The following CFAP77 variants were observed in gnomAD, a reference collection of about 807,000 sequenced individuals.
The protein encoded by CFAP77 is cilia- and flagella-associated protein 77.
In CFAP77, 25 loss-of-function variants were observed where a neutral mutation model predicts 31.1. The ratio of observed to expected loss-of-function variants is 0.80; its 90% CI spans 0.59 to 1.12. The LOEUF is 1.12. CFAP77 is among the 50% of genes most tolerant of loss of function. The probability of loss-of-function intolerance (pLI) is 0.00; values close to 1 mark genes in which losing one functional copy is unlikely to be tolerated. For missense variants in CFAP77, 377 were observed against 397.3 expected, an observed-to-expected ratio of 0.95 and a Z score of 0.44; for synonymous variants, 151 against 159.9, an observed-to-expected ratio of 0.94 and a Z score of 0.42.
rs1045269231 is a variant in CFAP77, at chr9:132,481,237, T to C, written c.196-17458T>C. On this transcript the variant is annotated intron_variant, in intron 1 of 5. Transcript: ENST00000393216. The surrounding 1 kb of genome is among the most constrained non-coding windows in gnomAD (Gnocchi z 5.0). ...GACTCCCTGCCGCGCTGCTAGACGC[T>C]TCAGCCCTGTCTCCCCCAGAGCGGC... is the stretch of plus-strand genomic sequence containing the variant. Among the ~76,000 whole-genome samples the C allele has an allele frequency of 6.6e-6, 1 of 152,116 alleles. No homozygotes were observed. The highest frequency in any genetic ancestry group is 1.5e-5 in the Non-Finnish European group (1 of 68,036).
rs1850902773 is a variant in CFAP77 at position 132,455,797 on chromosome 9, C to T, written c.196-42898C>T. Among the ~76,000 whole-genome samples the T allele has an allele frequency of 6.6e-6, 1 of 152,096 alleles. No individual in the cohort carries two copies. Among genetic ancestry groups the T allele is most frequent in the Non-Finnish European group, 1.5e-5 (1 of 68,000 alleles). On this transcript the variant is annotated intron_variant, in intron 1 of 5. Coordinates refer to ENST00000393216, the MANE Select transcript of CFAP77 (RefSeq NM_001282957.2). The surrounding 1 kb of genome is among the most constrained non-coding windows in gnomAD (Gnocchi z 4.1). ...TCTCCACTCAGCTCCCAACAGGATG[C>T]AATTGTCAAGGAAAGGCTGTAACTC... is the stretch of plus-strand genomic sequence containing the variant.
chr9:132,461,458 G>A (rs1167095982), intron 1 of CFAP77, among the ~76,000 whole-genome samples: 7 of 152,266 alleles, frequency 4.6e-5, no homozygotes, highest in South Asian at 2.1e-4. Context: ...CTTCTGGCTC[G>A]GGGACCATGT....
rs35663200 is a variant in CFAP77 at position 132,572,669 on chromosome 9, T to TC, written c.*165dup. The TC allele has an allele frequency of 2.6e-6, 2 of 755,998 alleles. No homozygotes were observed. Among genetic ancestry groups the TC allele is most frequent in the East Asian group, 2.9e-5 (1 of 34,052 alleles). 46.8% of individuals were successfully genotyped at this position (755,998 alleles called of 1,614,324 possible). A position where few individuals can be genotyped will look rare whatever the true frequency, so the allele number is the denominator to read the frequency against. ...TTAGGCTAATTGTTTTTGGTAAAAG[T>TC]CCCCCCTTTTAGGTTAGCCAACATT... is the stretch of plus-strand genomic sequence containing the variant. On this transcript the variant is annotated 3_prime_UTR_variant, in exon 6 of 6. Coordinates refer to ENST00000393216, the MANE Select transcript of CFAP77 (RefSeq NM_001282957.2).
At chr9:132,532,763 CAT>C (rs1380001665) in intron 3 of CFAP77, among the ~76,000 whole-genome samples, 1 of 152,100 alleles carries the variant, frequency 6.6e-6, no homozygotes, top group Non-Finnish European at 1.5e-5. Context: ...TTGAAAAACA[CAT>C]AAACCAGGCG....
rs1316211801 is a variant in CFAP77, at chr9:132,501,011, A to C, written c.524+1411A>C. On this transcript the variant is annotated intron_variant, in intron 3 of 5. Transcript: ENST00000393216. This position sits in a 1 kb window ranked among gnomAD's most constrained non-coding sequence, Gnocchi z 4.6. ...CCCTTCCCAAGCCACCTTCCACATT[A>C]CTCCAGAGTTATCTTGCTAACACAC... 6.6e-6 allele frequency among the ~76,000 whole-genome samples: 1 copy of C among 152,032 alleles called. No individual in the cohort carries two copies. Among genetic ancestry groups the C allele is most frequent in the Non-Finnish European group, 1.5e-5 (1 of 68,010 alleles).
At chr9:132,460,363 G>A (rs2131724798) in intron 1 of CFAP77, among the ~76,000 whole-genome samples, 1 of 152,258 alleles carries the variant, frequency 6.6e-6, no homozygotes, top group Admixed American at 6.5e-5. Flanking sequence ...AAGAATGTTT[G>A]AACGTCCATC....
chr9:132,544,457 C>T (rs1343510057), intron 5 of CFAP77, among the ~76,000 whole-genome samples: 3 of 151,764 alleles, frequency 2.0e-5, no homozygotes, highest in Non-Finnish European at 4.4e-5. Flanking sequence ...CAGCCTCCAT[C>T]CTGGCCCTGG....
chr9:132,516,882 C>T (rs1308128024), intron 3 of CFAP77, among the ~76,000 whole-genome samples: 2 of 152,124 alleles, frequency 1.3e-5, no homozygotes, highest in African/African-American at 2.4e-5. Flanking sequence ...AAAAAAACCA[C>T]GGTGAAACTG....
intron 4 of CFAP77, among the ~76,000 whole-genome samples, chr9:132,540,103 T>C (rs939217698): frequency 6.6e-6 from 1 of 152,114 alleles, no homozygotes; most frequent in African/African-American, 2.4e-5. Flanking sequence ...GCTAATTTTG[T>C]ATTTTTAGTA....
At chr9:132,425,841 A>G (rs1309795196) in intron 1 of CFAP77, among the ~76,000 whole-genome samples, 1 of 152,230 alleles carries the variant, frequency 6.6e-6, no homozygotes, top group African/African-American at 2.4e-5. Context: ...TAGAACTAGT[A>G]ATTACAGCCA....
At chr9:132,521,145 TC>T (rs200708877) in intron 3 of CFAP77, among the ~76,000 whole-genome samples, 4,698 of 152,286 alleles carry the variant, frequency 0.031, 119 homozygotes, top group Admixed American at 0.072. Context: ...CTCTCTGTTC[TC>T]CAGGGCAGTG....
chr9:132,550,660 G>A lies in CFAP77; in HGVS notation c.732+7613G>A, dbSNP rs573803066. On this transcript the variant is annotated intron_variant, in intron 5 of 5. Transcript: ENST00000393216. ...CTACCCCAGCCTCCTAAGTAGCTGG[G>A]ACTACAGGCGTGCAGCTAATTTTTA... is the stretch of plus-strand genomic sequence containing the variant. Among the ~76,000 whole-genome samples the A allele has an allele frequency of 3.3e-5, 5 of 151,952 alleles. No individual in the cohort carries two copies. In the South Asian group the frequency reaches 1.0e-3, roughly 32 times the overall value.
Position 132,566,269 on chromosome 9 carries a change from C to G in CFAP77, c.733-6119C>G, listed in dbSNP as rs889003513. On this transcript the variant is annotated intron_variant, in intron 5 of 5. Coordinates refer to ENST00000393216, the MANE Select transcript of CFAP77 (RefSeq NM_001282957.2). ...GCATTTAATAAGAGGCAATGGAGCT[C>G]GTGACGAAGGGCTTGGGGCCTTGAG... Among the ~76,000 whole-genome samples the G allele has an allele frequency of 2.6e-5, 4 of 152,134 alleles. No individual in the cohort carries two copies. The East Asian group carries it at 7.7e-4, about 29-fold the overall frequency.
chr9:132,470,204 G>A (rs1851231449), intron 1 of CFAP77, among the ~76,000 whole-genome samples: 1 of 152,260 alleles, frequency 6.6e-6, no homozygotes, highest in South Asian at 2.1e-4. Context: ...AATGACAGTC[G>A]CAACAGTCAT....
intron 3 of CFAP77, among the ~76,000 whole-genome samples, chr9:132,530,604 T>C (rs1218689199): frequency 6.6e-6 from 1 of 151,804 alleles, no homozygotes; most frequent in East Asian, 1.9e-4. Flanking sequence ...TGTTTGGGGG[T>C]TTTTTGGTTT....
chr9:132,546,785 C>T (rs1425219325), intron 5 of CFAP77, among the ~76,000 whole-genome samples: 3 of 152,240 alleles, frequency 2.0e-5, no homozygotes, highest in African/African-American at 7.2e-5. Flanking sequence ...GGGGTTCTGC[C>T]AGCAGCTGGC....
At chr9:132,482,164 TC>T in intron 1 of CFAP77, 1 of 591,994 alleles carries the variant, frequency 1.7e-6, no homozygotes, top group Non-Finnish European at 3.0e-6. Flanking sequence ...CTCTGCTTTT[TC>T]CTTTTCTCTC....
intron 3 of CFAP77, among the ~76,000 whole-genome samples, chr9:132,531,176 C>G (rs547574273): frequency 2.4e-4 from 37 of 152,334 alleles, no homozygotes; most frequent in Non-Finnish European, 5.0e-4. Context: ...TAGCCTTTCT[C>G]TCTGTCTCCT....
rs1851790165 is a variant in CFAP77 at position 132,498,842 on chromosome 9, C to A, written c.295+48C>A. ...TGAGGGCAGAGGAGTGGGAGGGAGGCTCACCCCTCTTCACAGACCCCTTGA... is the reference window on the plus strand; with the variant it reads ...TGAGGGCAGAGGAGTGGGAGGGAGGATCACCCCTCTTCACAGACCCCTTGA... On this transcript the variant is annotated intron_variant, in intron 2 of 5. Transcript: ENST00000393216. This position sits in a 1 kb window ranked among gnomAD's most constrained non-coding sequence, Gnocchi z 4.2. The A allele has an allele frequency of 2.9e-6, 4 of 1,364,490 alleles. No individual in the cohort carries two copies. The highest frequency in any genetic ancestry group is 1.4e-5 in the African/African-American group (1 of 70,292). The allele number at this position is 1,364,490 out of a possible 1,614,324, so 84.5% of individuals were successfully genotyped here.
Sources: allele counts gnomAD v4.1 joint callset (sites outside exome capture counted in the v4.1 genomes callset), GRCh38; gene constraint gnomAD v4.1.1; non-coding constraint Gnocchi (gnomAD v3.1); transcripts MANE v1.5; gene names NCBI Gene and HGNC (gene_info 2026-07-23, HGNC 2026-07-21).